ZRANB3: variants seen among roughly 807,000 people sequenced by gnomAD.
ZRANB3 encodes the protein zinc finger RANBP2-type containing 3, also known as DNA annealing helicase and endonuclease ZRANB3.
ZRANB3 carries 125 observed loss-of-function variants against 133.8 expected under a neutral mutation model. The ratio of observed to expected loss-of-function variants is 0.93; its 90% CI spans 0.81 to 1.08. ZRANB3 has a LOEUF of 1.08. ZRANB3 is among the 50% of genes least tolerant of loss of function. The pLI is 0.00. For missense variants in ZRANB3, 1,229 were observed against 1,275.5 expected, an observed-to-expected ratio of 0.96 and a Z score of 0.56; for synonymous variants, 387 against 432.7, an observed-to-expected ratio of 0.89 and a Z score of 1.31.
chr2:135,321,520 C>T lies in ZRANB3; in HGVS notation c.678-5990G>A, dbSNP rs1486364077. On this transcript the variant is annotated intron_variant, in intron 6 of 20. Transcript: ENST00000264159. Reference sequence around the variant, plus strand: ...ACAGAGTCTCATTCTGTCGCCCAAACTGGAGAGCAGTGGCACGATCTCAGT... The same window carrying T: ...ACAGAGTCTCATTCTGTCGCCCAAATTGGAGAGCAGTGGCACGATCTCAGT... Among the ~76,000 whole-genome samples, 6 of 148,430 alleles carry T rather than the reference C, an allele frequency of 4.0e-5. No homozygotes were observed. In the East Asian group the frequency reaches 7.9e-4, roughly 20 times the overall value.
intron 10 of ZRANB3, among the ~76,000 whole-genome samples, chr2:135,269,978 G>A (rs1160839930): frequency 4.6e-5 from 7 of 152,048 alleles, no homozygotes; most frequent in African/African-American, 1.7e-4. Flanking sequence ...AGTGACTTTT[G>A]TGACTGCTAT....
At chr2:135,219,243 T>G (rs1408959009) in intron 15 of ZRANB3, 65 bp from the exon 16 acceptor site, 2 of 1,035,550 alleles carry the variant, frequency 1.9e-6, no homozygotes, top group Middle Eastern at 2.2e-4. Flanking sequence ...CTATTTTAAA[T>G]GAAAATAATT....
intron 2 of ZRANB3, among the ~76,000 whole-genome samples, chr2:135,447,797 T>C (rs1025450444): frequency 1.1e-4 from 16 of 152,210 alleles, no homozygotes; most frequent in Non-Finnish European, 2.1e-4. Flanking sequence ...ATGACCAGTC[T>C]CTCTTCACTA....
chr2:135,394,866 C>A (rs1687406619), intron 2 of ZRANB3, among the ~76,000 whole-genome samples: 1 of 149,724 alleles, frequency 6.7e-6, no homozygotes, highest in Non-Finnish European at 1.5e-5. Context: ...GTCCATAATC[C>A]CGAAGTGCTT....
chr2:135,278,890 T>C (rs1194281098), intron 8 of ZRANB3, among the ~76,000 whole-genome samples: 3 of 152,138 alleles, frequency 2.0e-5, no homozygotes, highest in African/African-American at 7.2e-5. Context: ...AGTAAAACTA[T>C]GATTATGACT....
chr2:135,346,742 ACTGT>A (rs1323156335), intron 5 of ZRANB3, among the ~76,000 whole-genome samples: 76 of 152,182 alleles, frequency 5.0e-4, no homozygotes, highest in African/African-American at 1.8e-3. Context: ...TACACACAGG[ACTGT>A]CTCACTGTTA....
chr2:135,419,616 A>C (rs1167418101), intron 2 of ZRANB3, among the ~76,000 whole-genome samples: 2 of 152,056 alleles, frequency 1.3e-5, no homozygotes, highest in African/African-American at 2.4e-5. Flanking sequence ...AATTGTTTTG[A>C]GATAACTATC....
chr2:135,370,536 C>A (rs1459534614), intron 3 of ZRANB3, among the ~76,000 whole-genome samples: 1 of 151,950 alleles, frequency 6.6e-6, no homozygotes, highest in Non-Finnish European at 1.5e-5. Context: ...TAAGAACTTA[C>A]CAAACAGAAG....
intron 18 of ZRANB3, among the ~76,000 whole-genome samples, chr2:135,208,337 A>G (rs1405195368): frequency 6.6e-6 from 1 of 152,244 alleles, no homozygotes; most frequent in Non-Finnish European, 1.5e-5. Context: ...CAGTGCTGAT[A>G]GGAATTAGAA....
chr2:135,430,773 A>AT (rs1343251951), intron 2 of ZRANB3, among the ~76,000 whole-genome samples: 2 of 152,300 alleles, frequency 1.3e-5, no homozygotes, highest in Admixed American at 6.5e-5. Flanking sequence ...TGGTCAAATG[A>AT]TTTTTTACAA....
At chr2:135,376,308 GCCC>G (rs1346159181) in intron 3 of ZRANB3, among the ~76,000 whole-genome samples, 5 of 152,154 alleles carry the variant, frequency 3.3e-5, no homozygotes, top group Non-Finnish European at 5.9e-5. Context: ...TCTTATGGCA[GCCC>G]TAGGAAACTA....
chr2:135,511,231 T>C, intron 1 of ZRANB3: 1 of 972,876 alleles, frequency 1.0e-6, no homozygotes, highest in Non-Finnish European at 1.7e-6. Context: ...GTCTGAGATA[T>C]GTCTGCAGGT....
intron 2 of ZRANB3, among the ~76,000 whole-genome samples, chr2:135,471,146 T>A (rs1229159923): frequency 1.3e-5 from 2 of 150,532 alleles, no homozygotes; most frequent in African/African-American, 4.9e-5. Flanking sequence ...ACCAAGGCAA[T>A]GAAAGAAATT....
At chr2:135,332,545 A>G (rs945620007) in intron 6 of ZRANB3, among the ~76,000 whole-genome samples, 1 of 152,086 alleles carries the variant, frequency 6.6e-6, no homozygotes, top group Non-Finnish European at 1.5e-5. Context: ...CCTTTTCCAG[A>G]TATGTTTTCA....
At chr2:135,413,362 T>A (rs1384269758) in intron 2 of ZRANB3, among the ~76,000 whole-genome samples, 2 of 152,216 alleles carry the variant, frequency 1.3e-5, no homozygotes, top group African/African-American at 4.8e-5. Flanking sequence ...TTGTACAACA[T>A]CCTAATTCAA....
At position 135,230,759 on chromosome 2, in the gene ZRANB3, C is replaced by T; in HGVS notation, c.1708G>A (p.Asp570Asn). 1 of 1,613,800 alleles carries T rather than the reference C, an allele frequency of 6.2e-7. No homozygotes were observed. Among genetic ancestry groups the T allele is most frequent in the Non-Finnish European group, 8.5e-7 (1 of 1,179,852 alleles). The part of the protein sequence containing the change: ...AARDIIDYES[D>N]VEPETKRLKL... ...AATCTTTTCGTTTCAGGTTCAACAT[C>T]ACTTTCATAATCGATGATATCTCTT... The change falls in exon 13 of 21, where the codon GAT (aspartate) becomes AAT (asparagine). Residue 570 changes from aspartate (D) to asparagine (N), a missense_variant. By Grantham distance (23) the Asp-to-Asn change is conservative (BLOSUM62 1). Coordinates refer to ENST00000264159, the MANE Select transcript of ZRANB3 (RefSeq NM_032143.4).
chr2:135,215,605 C>T (rs1483288978), intron 17 of ZRANB3, among the ~76,000 whole-genome samples: 1 of 152,100 alleles, frequency 6.6e-6, no homozygotes, highest in Non-Finnish European at 1.5e-5. Flanking sequence ...CCAAATCTGC[C>T]AGTTTGACAT....
chr2:135,214,188 G>C (rs1426366323), intron 17 of ZRANB3, among the ~76,000 whole-genome samples: 1 of 152,190 alleles, frequency 6.6e-6, no homozygotes, highest in Non-Finnish European at 1.5e-5. Context: ...ATAGAACTGT[G>C]AGATAATAAA....
At chr2:135,422,386 T>C (rs1688899290) in intron 2 of ZRANB3, among the ~76,000 whole-genome samples, 1 of 152,110 alleles carries the variant, frequency 6.6e-6, no homozygotes, top group African/African-American at 2.4e-5. Context: ...TTATTAGACT[T>C]CTCAGCATCA....
Sources: gnomAD v4.1 joint callset for allele counts (sites outside exome capture counted in the v4.1 genomes callset) on GRCh38, gnomAD v4.1.1 for gene constraint, MANE v1.5 for transcripts, NCBI Gene and HGNC (gene_info 2026-07-23, HGNC 2026-07-21) for gene names.